Variants in PXYLP1 observed in about 807,000 individuals in gnomAD.
PXYLP1 encodes acid phosphatase-like 2.
In PXYLP1, 17 loss-of-function variants were observed where a neutral mutation model predicts 37.9. That is an observed-to-expected ratio of 0.45 (90% CI 0.31 to 0.67). The LOEUF (loss-of-function observed/expected upper bound fraction) is 0.67, where lower values mean the gene tolerates loss of function less well. Among genes scored for constraint, PXYLP1 ranks in the 30% least tolerant of loss-of-function variants. The probability of loss-of-function intolerance (pLI) is 0.07; values close to 1 mark genes in which losing one functional copy is unlikely to be tolerated. For missense variants in PXYLP1, 511 were observed against 612.0 expected (o/e 0.84, Z 1.74); for synonymous variants, 221 against 232.2 (o/e 0.95, Z 0.44).
chr3:141,241,690 A>T (rs1940805061), intron 1 of PXYLP1, among the ~76,000 whole-genome samples: 1 of 152,170 alleles, frequency 6.6e-6, no homozygotes, highest in African/African-American at 2.4e-5. Context: ...CCCGTCCAAC[A>T]CTGCTGTGCC....
intron 1 of PXYLP1, 174 bp downstream of exon 1, chr3:141,232,085 T>A (rs1293182725): frequency 6.6e-6 from 1 of 152,148 alleles, no homozygotes; most frequent in African/African-American, 2.4e-5. Flanking sequence ...CGGGTCCGAA[T>A]CCCGCGACTA....
At chr3:141,283,618 C>T (rs1942004974) in intron 4 of PXYLP1, among the ~76,000 whole-genome samples, 1 of 152,102 alleles carries the variant, frequency 6.6e-6, no homozygotes, top group Non-Finnish European at 1.5e-5. Flanking sequence ...CTGGGCTTAT[C>T]TTTTCATAAT....
At chr3:141,232,426 T>C (rs1426046275) in intron 1 of PXYLP1, 1 of 152,284 alleles carries the variant, frequency 6.6e-6, no homozygotes, top group Non-Finnish European at 1.5e-5. Context: ...CTGAGCCGGC[T>C]AGTCTCCAGG....
chr3:141,262,520 G>C, intron 2 of PXYLP1: 2 of 815,612 alleles, frequency 2.5e-6, no homozygotes, highest in African/African-American at 3.5e-5. Context: ...TGGTTTCCAC[G>C]TCACTGAATT....
chr3:141,271,527 G>A (rs139730907), intron 2 of PXYLP1, among the ~76,000 whole-genome samples: 147 of 152,342 alleles, frequency 9.6e-4, no homozygotes, highest in African/African-American at 3.5e-3. Context: ...GGTGACTTGT[G>A]TGGCAGCTGA....
chr3:141,292,178 C>A lies in PXYLP1; in HGVS notation c.506-90C>A. The A allele has an allele frequency of 7.7e-7, 1 of 1,290,694 alleles. No individual in the cohort carries two copies. The highest frequency in any genetic ancestry group is 1.1e-6 in the Non-Finnish European group (1 of 932,618). 80.0% of individuals were successfully genotyped at this position (1,290,694 alleles called of 1,614,324 possible). On this transcript the variant is annotated intron_variant, in intron 5 of 5. Coordinates refer to ENST00000286353, the MANE Select transcript of PXYLP1 (RefSeq NM_001037172.3). The surrounding 1 kb of genome is among the most constrained non-coding windows in gnomAD (Gnocchi z 4.3). ...TGGATGCCATTCTCTTGCCCTAAAA[C>A]ACTCCAGAGCCACACGCTGACTCCA...
chr3:141,290,141 CAT>C (rs1942166693), intron 5 of PXYLP1, among the ~76,000 whole-genome samples: 1 of 152,226 alleles, frequency 6.6e-6, no homozygotes, highest in South Asian at 2.1e-4. Context: ...TAAGATTGCT[CAT>C]GAGTGCCTAC....
chr3:141,288,831 G>A (rs1000045846), intron 5 of PXYLP1, among the ~76,000 whole-genome samples: 3 of 152,232 alleles, frequency 2.0e-5, no homozygotes, highest in South Asian at 2.1e-4. Context: ...GGGAGGTCAA[G>A]GCTGCAGTGA....
rs537265092 is a variant in PXYLP1 at position 141,293,812 on chromosome 3, T to C, written c.*607T>C. On this transcript the variant is annotated 3_prime_UTR_variant, in exon 6 of 6. Coordinates refer to ENST00000286353, the MANE Select transcript of PXYLP1 (RefSeq NM_001037172.3). ...GGGTTCCCAGGCCGGACAAAACAGA[T>C]GGTGACCAGATTTGGCCCCTGGGCT... The C allele has an allele frequency of 6.6e-6, 1 of 152,540 alleles. No homozygotes were observed. The highest frequency in any genetic ancestry group is 2.4e-5 in the African/African-American group (1 of 41,582). 9.4% of individuals were successfully genotyped at this position (152,540 alleles called of 1,614,324 possible). A position where few individuals can be genotyped will look rare whatever the true frequency, so the allele number is the denominator to read the frequency against.
At position 141,292,964 on chromosome 3, in the gene PXYLP1, C is replaced by T. The variant is rs1942263881; in HGVS notation, c.1202C>T (p.Ala401Val). The change falls in exon 6 of 6, where the codon GCC (alanine) becomes GTC (valine). Residue 401 changes from alanine (A) to valine (V), a missense_variant. Physicochemically the swap from Ala to Val is moderately conservative, Grantham distance 64. Coordinates refer to ENST00000286353, the MANE Select transcript of PXYLP1 (RefSeq NM_001037172.3). The surrounding 1 kb of genome is among the most constrained non-coding windows in gnomAD (Gnocchi z 4.3). ...LSEARFPRFAARLIFELWQDR... is the reference protein window; with the variant it reads ...LSEARFPRFAVRLIFELWQDR... ...GAAGCCAGGTTCCCAAGGTTTGCAG[C>T]CAGGTTGATCTTTGAGCTTTGGCAA... 6.2e-7 allele frequency: 1 copy of T among 1,614,168 alleles called. No homozygotes were observed. Among genetic ancestry groups the T allele is most frequent in the Non-Finnish European group, 8.5e-7 (1 of 1,180,030 alleles).
At chr3:141,248,292 A>G (rs904721417) in intron 1 of PXYLP1, among the ~76,000 whole-genome samples, 6 of 151,874 alleles carry the variant, frequency 4.0e-5, no homozygotes, top group Non-Finnish European at 7.4e-5. Context: ...CCCGGCCTCA[A>G]AGTGCTGGGA....
chr3:141,257,922 AAAAAGAG>A (rs1298515659), intron 1 of PXYLP1, among the ~76,000 whole-genome samples: 3,051 of 148,102 alleles, frequency 0.021, 63 homozygotes, highest in African/African-American at 0.069. Flanking sequence ...AAAAAAAAAA[AAAAAGAG>A]AGAGAGAGAG....
intron 2 of PXYLP1, 21 bp downstream of exon 2, chr3:141,260,275 C>T: frequency 3.7e-6 from 6 of 1,610,594 alleles, no homozygotes; most frequent in Non-Finnish European, 5.1e-6. Flanking sequence ...CCGGGCCCCG[C>T]AGGTCGTGGG....
chr3:141,277,575 G>A (rs1941826967), intron 2 of PXYLP1, among the ~76,000 whole-genome samples: 2 of 152,206 alleles, frequency 1.3e-5, no homozygotes, highest in Admixed American at 1.3e-4. Context: ...CTCGAGGAAA[G>A]GGAGTCCAGT....
chr3:141,269,032 A>C (rs968186671), intron 2 of PXYLP1, among the ~76,000 whole-genome samples: 3 of 152,214 alleles, frequency 2.0e-5, no homozygotes, highest in African/African-American at 7.2e-5. Flanking sequence ...CTCTTGTGGG[A>C]TGTCCACATG....
chr3:141,245,513 T>C (rs1940915511), intron 1 of PXYLP1, among the ~76,000 whole-genome samples: 1 of 152,260 alleles, frequency 6.6e-6, no homozygotes, highest in Non-Finnish European at 1.5e-5. Flanking sequence ...TCTCTGTTCA[T>C]TGCATTCTCT....
chr3:141,262,546 C>A, intron 2 of PXYLP1: 1 of 1,097,166 alleles, frequency 9.1e-7, no homozygotes, highest in Admixed American at 3.1e-5. Flanking sequence ...GTGTGTTTTG[C>A]TTATATAACT....
In PXYLP1 at chr3:141,292,465, C is replaced by G; in HGVS notation, c.703C>G (p.Gln235Glu). 6.2e-7 allele frequency: 1 copy of G among 1,614,238 alleles called. No individual in the cohort carries two copies. The highest frequency in any genetic ancestry group is 8.5e-7 in the Non-Finnish European group (1 of 1,180,054). Residue 235 changes from glutamine to glutamate, a missense_variant, in exon 6 of 6, where the codon CAG (glutamine) becomes GAG (glutamate). Physicochemically the swap from Gln to Glu is conservative, Grantham distance 29. Transcript: ENST00000286353. This position sits in a 1 kb window ranked among gnomAD's most constrained non-coding sequence, Gnocchi z 4.3. ...FDWKKIYFRH[Q>E]PSALFCSGSC... Reference sequence around the variant, plus strand: ...CTGGAAGAAGATTTATTTCAGGCACCAGCCAAGTGCGCTGTTCTGCTCTGG... The same window carrying G: ...CTGGAAGAAGATTTATTTCAGGCACGAGCCAAGTGCGCTGTTCTGCTCTGG...
Position 141,293,146 on chromosome 3 carries a change from G to C in PXYLP1, c.1384G>C (p.Val462Leu), listed in dbSNP as rs760799804. The C allele has an allele frequency of 3.1e-6, 5 of 1,614,010 alleles. No homozygotes were observed. In the Admixed American group the frequency reaches 8.3e-5, roughly 27 times the overall value. The change falls in exon 6 of 6, where the codon GTA (valine) becomes CTA (leucine). Residue 462 changes from valine to leucine, a missense_variant. Transcript: ENST00000286353. ...CCGCTTTGTGAAAAGGGACATGTTTGTAGCCCTGGGTGGCAGTGGTACAAA... is the reference window on the plus strand; with the variant it reads ...CCGCTTTGTGAAAAGGGACATGTTTCTAGCCCTGGGTGGCAGTGGTACAAA... ...LVRFVKRDMF[V>L]ALGGSGTNYY...
Sources: allele counts gnomAD v4.1 joint callset (sites outside exome capture counted in the v4.1 genomes callset), GRCh38; gene constraint gnomAD v4.1.1; non-coding constraint Gnocchi (gnomAD v3.1); transcripts MANE v1.5; gene names NCBI Gene and HGNC (gene_info 2026-07-23, HGNC 2026-07-21).